Variants in KIRREL3 observed in about 807,000 individuals in gnomAD.
The protein encoded by KIRREL3 is kirre like nephrin family adhesion molecule 3.
Under a neutral mutation model 89.7 loss-of-function variants are expected in KIRREL3, and 36 were observed. The ratio of observed to expected loss-of-function variants is 0.40; its 90% CI spans 0.31 to 0.53. KIRREL3 has a LOEUF of 0.53. Ranked by LOEUF, KIRREL3 falls within the 20% of genes least tolerant of loss-of-function variation. KIRREL3 has a pLI of 0.49. For missense variants in KIRREL3, 864 were observed against 1,056.6 expected (o/e 0.82, Z 2.53); for synonymous variants, 445 against 441.4 (o/e 1.01, Z -0.10).
chr11:126,723,437 T>TA lies in KIRREL3; in HGVS notation c.56-160526dup. On this transcript the variant is annotated intron_variant, in intron 1 of 16. Coordinates refer to ENST00000525144, the MANE Select transcript of KIRREL3 (RefSeq NM_032531.4). The surrounding 1 kb of genome is among the most constrained non-coding windows in gnomAD (Gnocchi z 4.0). ...ACTCTACCATAAAGAGGTAACAATT[T>TA]AAAAAAATCAACTCTCCTCAGCCTC... Among the ~76,000 whole-genome samples, 1 of 152,172 alleles carries TA rather than the reference T, an allele frequency of 6.6e-6. No homozygotes were observed. Among genetic ancestry groups the TA allele is most frequent in the East Asian group, 1.9e-4 (1 of 5,176 alleles).
At position 126,583,981 on chromosome 11, in the gene KIRREL3, C is replaced by T. The variant is rs142468033; in HGVS notation, c.56-21069G>A. Among the ~76,000 whole-genome samples the T allele has an allele frequency of 6.4e-3, 970 of 152,316 alleles. 5 individuals carry two copies. The highest frequency in any genetic ancestry group is 0.011 in the Non-Finnish European group (744 of 68,036). On this transcript the variant is annotated intron_variant, in intron 1 of 16. Transcript: ENST00000525144. ...TTATTTCCTCCGCGGCAACTATCCC[C>T]ATGTTTATTATGTGTAAATAGGGTT...
Position 126,528,872 on chromosome 11 carries a change from G to C in KIRREL3, c.134-2185C>G, listed in dbSNP as rs1348309696. ...AGCATGGAGAGGGAGGGGGTGGGTGGAAAGGACTCCTTCTCTGGCTCCTTT... is the reference window on the plus strand; with the variant it reads ...AGCATGGAGAGGGAGGGGGTGGGTGCAAAGGACTCCTTCTCTGGCTCCTTT... On this transcript the variant is annotated intron_variant, in intron 2 of 16. Transcript: ENST00000525144. This position sits in a 1 kb window ranked among gnomAD's most constrained non-coding sequence, Gnocchi z 4.6. Among the ~76,000 whole-genome samples, 5 of 150,626 alleles carry C rather than the reference G, an allele frequency of 3.3e-5. No individual in the cohort carries two copies. The highest frequency in any genetic ancestry group is 1.2e-4 in the African/African-American group (5 of 40,904).
chr11:126,788,707 T>C lies in KIRREL3; in HGVS notation c.55+211748A>G, dbSNP rs1950552287. On this transcript the variant is annotated intron_variant, in intron 1 of 16. Coordinates refer to ENST00000525144, the MANE Select transcript of KIRREL3 (RefSeq NM_032531.4). This position sits in a 1 kb window ranked among gnomAD's most constrained non-coding sequence, Gnocchi z 4.1. ...TTATAGACCACAAAGGCCCTACAAT[T>C]GCTATCAAAGGAACTGATTGTTTTG... 6.6e-6 allele frequency among the ~76,000 whole-genome samples: 1 copy of C among 152,160 alleles called. No individual in the cohort carries two copies. The highest frequency in any genetic ancestry group is 2.4e-5 in the African/African-American group (1 of 41,448).
chr11:126,660,439 G>T (rs975691618), intron 1 of KIRREL3, among the ~76,000 whole-genome samples: 1 of 152,122 alleles, frequency 6.6e-6, no homozygotes, highest in Non-Finnish European at 1.5e-5. Flanking sequence ...TTCCAAAGCC[G>T]GTAAAAATGA....
At chr11:126,800,867 T>C (rs1460223784) in intron 1 of KIRREL3, among the ~76,000 whole-genome samples, 2 of 152,122 alleles carry the variant, frequency 1.3e-5, no homozygotes, top group African/African-American at 4.8e-5. Flanking sequence ...GATAATGGGA[T>C]GGTGGAGCAG....
rs1273345988 is a variant in KIRREL3 at position 126,995,207 on chromosome 11, C to A, written c.55+5248G>T. Reference sequence around the variant, plus strand: ...CCCCCAGAGCAGCTGCTCCCACCGACCCTGCTCCAAGAGTGCTGGGATGTC... The same window carrying A: ...CCCCCAGAGCAGCTGCTCCCACCGAACCTGCTCCAAGAGTGCTGGGATGTC... On this transcript the variant is annotated intron_variant, in intron 1 of 16. Coordinates refer to ENST00000525144, the MANE Select transcript of KIRREL3 (RefSeq NM_032531.4). The surrounding 1 kb of genome is among the most constrained non-coding windows in gnomAD (Gnocchi z 6.5). 4.4e-6 allele frequency: 2 copies of A among 456,230 alleles called. No homozygotes were observed. The highest frequency in any genetic ancestry group is 1.5e-5 in the South Asian group (1 of 64,558). 28.3% of individuals were successfully genotyped at this position (456,230 alleles called of 1,614,324 possible).
chr11:126,884,489 C>T (rs564293108), intron 1 of KIRREL3, among the ~76,000 whole-genome samples: 11 of 152,274 alleles, frequency 7.2e-5, no homozygotes, highest in South Asian at 2.1e-4. Context: ...AAAGCGTGAC[C>T]GCCAGGATGA....
At position 126,477,210 on chromosome 11, in the gene KIRREL3, C is replaced by T. The variant is rs1217113310; in HGVS notation, c.434-3744G>A. Among the ~76,000 whole-genome samples the T allele has an allele frequency of 3.9e-5, 6 of 152,202 alleles. No individual in the cohort carries two copies. The highest frequency in any genetic ancestry group is 5.9e-5 in the Non-Finnish European group (4 of 68,038). On this transcript the variant is annotated intron_variant, in intron 4 of 16. Coordinates refer to ENST00000525144, the MANE Select transcript of KIRREL3 (RefSeq NM_032531.4). This position sits in a 1 kb window ranked among gnomAD's most constrained non-coding sequence, Gnocchi z 4.8. Reference sequence around the variant, plus strand: ...ATTGATTATGAAAGAAACACATCATCGCGGGATGCTGAGCTCTTTACAGTT... The same window carrying T: ...ATTGATTATGAAAGAAACACATCATTGCGGGATGCTGAGCTCTTTACAGTT...
intron 1 of KIRREL3, among the ~76,000 whole-genome samples, chr11:126,690,998 C>A (rs1448431926): frequency 6.6e-6 from 1 of 152,130 alleles, no homozygotes; most frequent in Non-Finnish European, 1.5e-5. Flanking sequence ...AACAGAAGTT[C>A]TTATTTGGAT....
intron 1 of KIRREL3, among the ~76,000 whole-genome samples, chr11:126,721,329 G>T (rs1163226698): frequency 6.6e-6 from 1 of 151,976 alleles, no homozygotes; most frequent in Non-Finnish European, 1.5e-5. Context: ...TCGGGAGTTC[G>T]AGACCAGCTT....
intron 1 of KIRREL3, among the ~76,000 whole-genome samples, chr11:126,737,573 G>A (rs557310759): frequency 4.4e-4 from 67 of 152,288 alleles, no homozygotes; most frequent in African/African-American, 1.6e-3. Context: ...CTGGTACGAC[G>A]ATGGCAGTAA....
Position 126,987,762 on chromosome 11 carries a change from A to G in KIRREL3, c.55+12693T>C, listed in dbSNP as rs11220690. ...TCCTCCTCTGTATTGCTCTGATTCG[A>G]TCTAAAGGAGCTTTGAAAACGTCAA... is the stretch of plus-strand genomic sequence containing the variant. On this transcript the variant is annotated intron_variant, in intron 1 of 16. Coordinates refer to ENST00000525144, the MANE Select transcript of KIRREL3 (RefSeq NM_032531.4). This position sits in a 1 kb window ranked among gnomAD's most constrained non-coding sequence, Gnocchi z 4.6. Among the ~76,000 whole-genome samples, 8 of 152,330 alleles carry G rather than the reference A, an allele frequency of 5.3e-5. No homozygotes were observed. In the East Asian group the frequency reaches 1.5e-3, roughly 29 times the overall value.
In KIRREL3 at chr11:126,438,571, A is replaced by C. The variant is rs1955447113; in HGVS notation, c.1354-1562T>G. ...CAAATGTCCCCTGGGGCCAGTGAGA[A>C]CCGCTGGCCTAGAATCAGATATTTC... On this transcript the variant is annotated intron_variant, in intron 11 of 16. Coordinates refer to ENST00000525144, the MANE Select transcript of KIRREL3 (RefSeq NM_032531.4). 6.6e-5 allele frequency among the ~76,000 whole-genome samples: 10 copies of C among 152,358 alleles called. 1 individual carries two copies. The South Asian group carries it at 2.1e-3, about 32-fold the overall frequency.
At chr11:126,437,774 A>C (rs1378279231) in intron 11 of KIRREL3, among the ~76,000 whole-genome samples, 1 of 152,110 alleles carries the variant, frequency 6.6e-6, no homozygotes, top group East Asian at 1.9e-4. Context: ...ACAATACAAC[A>C]CACAATACAA....
chr11:126,555,642 C>T lies in KIRREL3; in HGVS notation c.133+7193G>A, dbSNP rs1939647891. ...CTGCTTGAGGAGCAGCAGGAAGGCC[C>T]ATGTGACTGGAGCGCAGGGTGTTTA... On this transcript the variant is annotated intron_variant, in intron 2 of 16. Transcript: ENST00000525144. This position sits in a 1 kb window ranked among gnomAD's most constrained non-coding sequence, Gnocchi z 4.2. 1.3e-5 allele frequency among the ~76,000 whole-genome samples: 2 copies of T among 152,104 alleles called. No homozygotes were observed. Among genetic ancestry groups the T allele is most frequent in the Non-Finnish European group, 2.9e-5 (2 of 68,034 alleles).
At chr11:126,882,478 C>T (rs1945541021) in intron 1 of KIRREL3, among the ~76,000 whole-genome samples, 1 of 152,120 alleles carries the variant, frequency 6.6e-6, no homozygotes, top group Admixed American at 6.6e-5. Context: ...GATGGTTTGT[C>T]CACCCTGTCC....
rs781689575 is a variant in KIRREL3, at chr11:126,606,871, G to T, written c.56-43959C>A. On this transcript the variant is annotated intron_variant, in intron 1 of 16. Coordinates refer to ENST00000525144, the MANE Select transcript of KIRREL3 (RefSeq NM_032531.4). This position sits in a 1 kb window ranked among gnomAD's most constrained non-coding sequence, Gnocchi z 4.6. ...GATTAAAGATGGGAAGGGATTTGGG[G>T]GGTCAAGGGAGGACTCTGGATGGGA... Among the ~76,000 whole-genome samples, 2 of 151,984 alleles carry T rather than the reference G, an allele frequency of 1.3e-5. No homozygotes were observed. The highest frequency in any genetic ancestry group is 2.4e-5 in the African/African-American group (1 of 41,356).
intron 1 of KIRREL3, among the ~76,000 whole-genome samples, chr11:126,926,003 C>A (rs1468359951): frequency 1.3e-5 from 2 of 152,238 alleles, no homozygotes; most frequent in Non-Finnish European, 2.9e-5. Flanking sequence ...CAGTCATGGG[C>A]AGAGACACCT....
rs1958090171 is a variant in KIRREL3, at chr11:126,508,221, T to C, written c.433+13094A>G. ...GATCGACTTGTGAAAGTGTGACACA[T>C]TTTTTGGAAGCCAGTTTTTTCGGGT... is the stretch of plus-strand genomic sequence containing the variant. On this transcript the variant is annotated intron_variant, in intron 4 of 16. Transcript: ENST00000525144. This position sits in a 1 kb window ranked among gnomAD's most constrained non-coding sequence, Gnocchi z 4.9. Among the ~76,000 whole-genome samples, 1 of 152,226 alleles carries C rather than the reference T, an allele frequency of 6.6e-6. No homozygotes were observed. Among genetic ancestry groups the C allele is most frequent in the East Asian group, 1.9e-4 (1 of 5,200 alleles).
Sources: allele counts gnomAD v4.1 joint callset (sites outside exome capture counted in the v4.1 genomes callset), GRCh38; gene constraint gnomAD v4.1.1; non-coding constraint Gnocchi (gnomAD v3.1); transcripts MANE v1.5; gene names NCBI Gene and HGNC (gene_info 2026-07-23, HGNC 2026-07-21).